MIA2: variants seen among roughly 807,000 people sequenced by gnomAD.
MIA2 encodes the protein melanoma inhibitory activity protein 2.
MIA2 carries 127 observed loss-of-function variants against 167.8 expected under a neutral mutation model. The observed-to-expected ratio is 0.76, with a 90% CI of 0.66 to 0.88. MIA2 has a LOEUF of 0.88. MIA2 is among the 40% of genes least tolerant of loss of function. MIA2 has a pLI of 0.00. For missense variants in MIA2, 1,690 were observed against 1,624.7 expected (o/e 1.04, Z -0.69); for synonymous variants, 552 against 541.9 (o/e 1.02, Z -0.26).
At chr14:39,309,553 G>C (rs1259391937) in intron 18 of MIA2, among the ~76,000 whole-genome samples, 1 of 152,020 alleles carries the variant, frequency 6.6e-6, no homozygotes, top group Admixed American at 6.6e-5. Flanking sequence ...ATTTTATTAG[G>C]CCTGGGTTCA....
intron 3 of MIA2, 135 bp from the exon 4 acceptor site, chr14:39,246,776 G>A (rs1184627912): frequency 2.0e-6 from 1 of 488,964 alleles, no homozygotes; most frequent in African/African-American, 2.0e-5. Context: ...TGATACAAGT[G>A]TTTGAGTTTT....
At chr14:39,236,568 A>G (rs1374355052) in intron 1 of MIA2, among the ~76,000 whole-genome samples, 1 of 152,244 alleles carries the variant, frequency 6.6e-6, no homozygotes, top group Non-Finnish European at 1.5e-5. Context: ...AGTGCCAGGA[A>G]GAAAACTGAT....
In MIA2 at chr14:39,350,228, T is replaced by A. The variant is rs780208717; in HGVS notation, c.4203T>A (p.Pro1401=). 2.4e-5 allele frequency: 36 copies of A among 1,519,430 alleles called. No individual in the cohort carries two copies. Among genetic ancestry groups the A allele is most frequent in the Non-Finnish European group, 3.1e-5 (35 of 1,132,134 alleles). 94.1% of individuals were successfully genotyped at this position (1,519,430 alleles called of 1,614,324 possible). A position where few individuals can be genotyped will look rare whatever the true frequency, so the allele number is the denominator to read the frequency against. Residue 1401 remains proline (P), a synonymous_variant, in exon 29 of 29, where the codon CCT becomes CCA. Coordinates refer to ENST00000640607, the MANE Select transcript of MIA2 (RefSeq NM_001329214.4). The part of the protein sequence containing the change: ...PSGLIPPSNE[P]ATEHPEPQQE... ...GTTTGATTCCACCTTCAAATGAGCC[T>A]GCTACTGAACATCCAGAACCACAGC...
intron 25 of MIA2, among the ~76,000 whole-genome samples, chr14:39,343,355 C>T (rs958900230): frequency 1.3e-5 from 2 of 152,256 alleles, no homozygotes; most frequent in Middle Eastern, 3.4e-3. Context: ...CCATGTTGGC[C>T]AGGCCGATCT....
At chr14:39,331,813 A>G (rs1472302124) in intron 25 of MIA2, among the ~76,000 whole-genome samples, 2 of 152,212 alleles carry the variant, frequency 1.3e-5, no homozygotes, top group East Asian at 3.8e-4. Context: ...GTTTCTGCAG[A>G]GAGATCCGCT....
At chr14:39,292,399 A>G (rs1445023150) in intron 10 of MIA2, among the ~76,000 whole-genome samples, 2 of 152,188 alleles carry the variant, frequency 1.3e-5, no homozygotes, top group Non-Finnish European at 2.9e-5. Context: ...CAATTTCAGT[A>G]ATTTTTTAGC....
chr14:39,269,103 A>G lies in MIA2; in HGVS notation c.1888-7831A>G, dbSNP rs1158758779. ...TTTTTTTTTTTTTTTTTTTTTTGCTAAATGCGAGTACCCTGGCCTGGGGGC... is the reference window on the plus strand; with the variant it reads ...TTTTTTTTTTTTTTTTTTTTTTGCTGAATGCGAGTACCCTGGCCTGGGGGC... On this transcript the variant is annotated intron_variant, in intron 6 of 28. Coordinates refer to ENST00000640607, the MANE Select transcript of MIA2 (RefSeq NM_001329214.4). The G allele has an allele frequency of 1.1e-5, 6 of 546,102 alleles. No homozygotes were observed. The African/African-American group carries it at 1.6e-4, about 14-fold the overall frequency. 33.8% of individuals were successfully genotyped at this position (546,102 alleles called of 1,614,324 possible).
intron 9 of MIA2, among the ~76,000 whole-genome samples, chr14:39,290,678 C>A (rs2060616424): frequency 6.6e-6 from 1 of 152,150 alleles, no homozygotes; most frequent in African/African-American, 2.4e-5. Flanking sequence ...TTGAGTAAAT[C>A]TTTGGATAAT....
intron 20 of MIA2, 85 bp downstream of exon 20, chr14:39,314,884 G>A: frequency 9.4e-7 from 1 of 1,061,112 alleles, no homozygotes; most frequent in South Asian, 2.9e-5. Flanking sequence ...AATTGATGCA[G>A]GAATATAATT....
chr14:39,361,076 G>GATAATGTGA (rs1467909771), intron 23 of MIA2, among the ~76,000 whole-genome samples: 8 of 152,172 alleles, frequency 5.3e-5, no homozygotes, highest in African/African-American at 1.9e-4. Flanking sequence ...TTTGAAGTCA[G>GATAATGTGA]ATAATGTGAT....
At chr14:39,372,933 G>A (rs1039748369) in intron 23 of MIA2, among the ~76,000 whole-genome samples, 1 of 152,156 alleles carries the variant, frequency 6.6e-6, no homozygotes, top group Admixed American at 6.5e-5. Context: ...TGTGTGTATT[G>A]TATATTTCAA....
rs2075283791 is a variant in MIA2 at position 39,387,035 on chromosome 14, C to CA, written c.*84dup. On this transcript the variant is annotated 3_prime_UTR_variant, in exon 24 of 24. Transcript: ENST00000341502. Reference sequence around the variant, plus strand: ...GTGGAACAGAAGCCAGAAGGCCCTACAGTGCCGGGTAGCTGGCGGCGGGTA... The same window carrying CA: ...GTGGAACAGAAGCCAGAAGGCCCTACAAGTGCCGGGTAGCTGGCGGCGGGTA... 5 of 716,134 alleles carry CA rather than the reference C, an allele frequency of 7.0e-6. No individual in the cohort carries two copies. In the Admixed American group the frequency reaches 1.4e-4, roughly 20 times the overall value. 44.4% of individuals were successfully genotyped at this position (716,134 alleles called of 1,614,324 possible).
intron 6 of MIA2, chr14:39,267,663 GC>G: frequency 2.0e-6 from 2 of 1,012,546 alleles, no homozygotes; most frequent in Non-Finnish European, 2.8e-6. Context: ...CCCGGCTCCC[GC>G]CCGTGTTCGA....
intron 6 of MIA2, among the ~76,000 whole-genome samples, chr14:39,260,572 A>T (rs1247190657): frequency 6.6e-6 from 1 of 152,100 alleles, no homozygotes; most frequent in Non-Finnish European, 1.5e-5. Flanking sequence ...TTTTCTTGTA[A>T]ATTTTATTAA....
At chr14:39,305,793 G>A (rs898787614) in intron 17 of MIA2, among the ~76,000 whole-genome samples, 2 of 151,984 alleles carry the variant, frequency 1.3e-5, no homozygotes, top group East Asian at 1.9e-4. Flanking sequence ...AAAATTAGTC[G>A]GGCGTGGTGG....
At chr14:39,278,576 C>A (rs1366639409) in intron 7 of MIA2, among the ~76,000 whole-genome samples, 2 of 152,136 alleles carry the variant, frequency 1.3e-5, no homozygotes, top group Non-Finnish European at 2.9e-5. Context: ...TGAATTCCCG[C>A]CTGCTTCATT....
chr14:39,297,614 G>T (rs945688832), intron 13 of MIA2, among the ~76,000 whole-genome samples: 1 of 151,374 alleles, frequency 6.6e-6, no homozygotes, highest in East Asian at 1.9e-4. Context: ...CTGGATAGAT[G>T]TCCCAGAGTC....
chr14:39,306,486 A>AG (rs1323195226), intron 17 of MIA2, among the ~76,000 whole-genome samples: 1 of 152,108 alleles, frequency 6.6e-6, no homozygotes, highest in Non-Finnish European at 1.5e-5. Flanking sequence ...TCTATCATCT[A>AG]GGGGGAGACA....
intron 6 of MIA2, among the ~76,000 whole-genome samples, chr14:39,256,624 T>G (rs2152645241): frequency 6.6e-6 from 1 of 151,788 alleles, no homozygotes; most frequent in Non-Finnish European, 1.5e-5. Flanking sequence ...AAGCAAAAGG[T>G]TTTGGAAAAA....
Sources: gnomAD v4.1 joint callset for allele counts (sites outside exome capture counted in the v4.1 genomes callset) on GRCh38, gnomAD v4.1.1 for gene constraint, MANE v1.5 for transcripts, NCBI Gene and HGNC (gene_info 2026-07-23, HGNC 2026-07-21) for gene names.